The following HEATR5A variants were observed in gnomAD, a reference collection of about 807,000 sequenced individuals.
HEATR5A encodes HEAT repeat-containing protein 5A.
In HEATR5A, 178 loss-of-function variants were observed where a neutral mutation model predicts 218.8. That is an observed-to-expected ratio of 0.81 (90% CI 0.72 to 0.92). HEATR5A has a LOEUF of 0.92. HEATR5A is among the 40% of genes least tolerant of loss of function. The pLI is 0.00. For synonymous variants in HEATR5A, 864 were observed against 871.6 expected, an observed-to-expected ratio of 0.99 and a Z score of 0.15; for missense variants, 2,420 against 2,418.9, an observed-to-expected ratio of 1.00 and a Z score of -0.01.
rs755867145 is a variant in HEATR5A at position 31,345,208 on chromosome 14, T to C, written c.2937A>G (p.Glu979=). ...SAGPLYYVHV[E]PTLSLIIMLL... ...ACATTATAATAAGAGAAAGGGTAGG[T>C]TCCACATGCACATAATAGAGTGGGC... The change falls in exon 20 of 36, where the codon GAA becomes GAG. Residue 979 remains glutamate (E), a synonymous_variant. Transcript: ENST00000543095. 7.4e-6 allele frequency: 12 copies of C among 1,613,412 alleles called. No homozygotes were observed. The Admixed American group carries it at 2.0e-4, about 27-fold the overall frequency.
chr14:31,358,408 T>C (rs767513961), intron 16 of HEATR5A, among the ~76,000 whole-genome samples: 1 of 152,214 alleles, frequency 6.6e-6, no homozygotes, highest in Non-Finnish European at 1.5e-5. Context: ...TATTTTCAGC[T>C]AGATGATAAG....
At chr14:31,362,675 G>C (rs1360295753) in intron 14 of HEATR5A, among the ~76,000 whole-genome samples, 1 of 150,172 alleles carries the variant, frequency 6.7e-6, no homozygotes, top group Non-Finnish European at 1.5e-5. Flanking sequence ...CAGCTACTTG[G>C]GAGGCTGAGG....
chr14:31,315,840 G>C lies in HEATR5A; in HGVS notation c.4148C>G (p.Ala1383Gly). The change falls in exon 27 of 36, where the codon GCT becomes GGT. Residue 1383 changes from alanine (A) to glycine (G), a missense_variant. Coordinates refer to ENST00000543095, the MANE Select transcript of HEATR5A (RefSeq NM_015473.4). ...ACTTTCATTATATAAGTGACTTAGA[G>C]CTTCTTTTCCAGCCTGTATTTTAGT... ...SLTKIQAGKEALSHLYNESAS... is the reference protein window; with the variant it reads ...SLTKIQAGKEGLSHLYNESAS... 6.2e-7 allele frequency: 1 copy of C among 1,612,860 alleles called. No individual in the cohort carries two copies. Among genetic ancestry groups the C allele is most frequent in the Non-Finnish European group, 8.5e-7 (1 of 1,179,390 alleles).
Position 31,397,379 on chromosome 14 carries a change from C to T in HEATR5A, c.447+1294G>A, listed in dbSNP as rs560145807. Among the ~76,000 whole-genome samples the T allele has an allele frequency of 7.9e-5, 12 of 151,622 alleles. No individual in the cohort carries two copies. The South Asian group carries it at 1.5e-3, about 18-fold the overall frequency. ...TTTTTTAAGAGACACGGTCTTGGGC[C>T]GGGCATGGTGGCTCATGCCTGTAAT... On this transcript the variant is annotated intron_variant, in intron 4 of 35. Transcript: ENST00000543095.
At chr14:31,394,474 T>C (rs2030571476) in intron 5 of HEATR5A, among the ~76,000 whole-genome samples, 1 of 152,062 alleles carries the variant, frequency 6.6e-6, no homozygotes, top group Non-Finnish European at 1.5e-5. Context: ...AAAATGCCTT[T>C]AGAATCAATC....
At chr14:31,401,652 T>C (rs1042633888) in intron 2 of HEATR5A, among the ~76,000 whole-genome samples, 2 of 152,186 alleles carry the variant, frequency 1.3e-5, no homozygotes, top group African/African-American at 4.8e-5. Context: ...CAGCCTACCA[T>C]GTAACTTGGT....
intron 16 of HEATR5A, among the ~76,000 whole-genome samples, chr14:31,353,841 C>G (rs1047629464): frequency 6.6e-6 from 1 of 151,778 alleles, no homozygotes; most frequent in Non-Finnish European, 1.5e-5. Flanking sequence ...GCTCTGTCGC[C>G]CAGGCTGGAG....
chr14:31,383,495 T>A, intron 10 of HEATR5A, 26 bp downstream of exon 10: 1 of 1,588,616 alleles, frequency 6.3e-7, no homozygotes, highest in Non-Finnish European at 8.6e-7. Context: ...CACCTCATTA[T>A]CATACATAGA....
intron 33 of HEATR5A, among the ~76,000 whole-genome samples, chr14:31,298,955 GT>G (rs1278582114): frequency 6.6e-6 from 1 of 152,072 alleles, no homozygotes; most frequent in Non-Finnish European, 1.5e-5. Flanking sequence ...CCCCCACACT[GT>G]TTGGCCTCTC....
In HEATR5A at chr14:31,292,856, C is replaced by G. The variant is rs1456410879; in HGVS notation, c.*449G>C. On this transcript the variant is annotated 3_prime_UTR_variant, in exon 36 of 36. Coordinates refer to ENST00000543095, the MANE Select transcript of HEATR5A (RefSeq NM_015473.4). ...TTGGCCTTCCAAAGTGCTGGAATTACAGGGATGAGCCACTGTGCCGGGCCA... is the reference window on the plus strand; with the variant it reads ...TTGGCCTTCCAAAGTGCTGGAATTAGAGGGATGAGCCACTGTGCCGGGCCA... 1 of 153,698 alleles carries G rather than the reference C, an allele frequency of 6.5e-6. No homozygotes were observed. Among genetic ancestry groups the G allele is most frequent in the East Asian group, 1.9e-4 (1 of 5,224 alleles). 9.5% of individuals were successfully genotyped at this position (153,698 alleles called of 1,614,324 possible).
At chr14:31,376,829 T>C (rs1734321629) in intron 11 of HEATR5A, among the ~76,000 whole-genome samples, 1 of 152,074 alleles carries the variant, frequency 6.6e-6, no homozygotes, top group Admixed American at 6.5e-5. Context: ...GATTGCTGTC[T>C]AAAAATCATT....
chr14:31,407,584 TTATATATATA>T (rs1039144242), intron 1 of HEATR5A, among the ~76,000 whole-genome samples: 195 of 1,156 alleles, frequency 0.17, no homozygotes, highest in African/African-American at 0.21. Context: ...CTTATTTTAT[TTATATATATA>T]TATATATATA....
At chr14:31,377,054 T>C (rs1339936692) in intron 11 of HEATR5A, among the ~76,000 whole-genome samples, 1 of 150,674 alleles carries the variant, frequency 6.6e-6, no homozygotes, top group East Asian at 2.0e-4. Flanking sequence ...GAGCCTGGCA[T>C]TCAAGGCTGC....
At position 31,292,875 on chromosome 14, in the gene HEATR5A, C is replaced by G. The variant is rs117022509; in HGVS notation, c.*430G>C. On this transcript the variant is annotated 3_prime_UTR_variant, in exon 36 of 36. Transcript: ENST00000543095. ...GAATTACAGGGATGAGCCACTGTGC[C>G]GGGCCAAAGCAGAATTTTAAATCAG... 3.9e-4 allele frequency: 61 copies of G among 154,490 alleles called. No homozygotes were observed. In the East Asian group the frequency reaches 0.01, roughly 26 times the overall value. 9.6% of individuals were successfully genotyped at this position (154,490 alleles called of 1,614,324 possible).
chr14:31,404,648 T>C (rs964577840), intron 1 of HEATR5A, among the ~76,000 whole-genome samples: 1 of 152,180 alleles, frequency 6.6e-6, no homozygotes, highest in Non-Finnish European at 1.5e-5. Context: ...GGCTCACACC[T>C]GTAATCCCAG....
intron 16 of HEATR5A, among the ~76,000 whole-genome samples, chr14:31,353,818 G>GC (rs144213225): frequency 0.27 from 40,854 of 149,720 alleles, 6,769 homozygotes; most frequent in Non-Finnish European, 0.38. Context: ...GTTTTTTTTT[G>GC]AGATGGAGTC....
At chr14:31,379,565 A>T (rs1284212381) in intron 11 of HEATR5A, among the ~76,000 whole-genome samples, 1 of 152,154 alleles carries the variant, frequency 6.6e-6, no homozygotes, top group Non-Finnish European at 1.5e-5. Flanking sequence ...CAGTTGTTTT[A>T]TATCTAGCTA....
At chr14:31,363,908 G>C (rs1404556643) in intron 14 of HEATR5A, among the ~76,000 whole-genome samples, 1 of 152,020 alleles carries the variant, frequency 6.6e-6, no homozygotes, top group Admixed American at 6.6e-5. Flanking sequence ...TGAGCCCAAG[G>C]CTGAAGTGAG....
At chr14:31,357,169 C>T (rs1595132862) in intron 16 of HEATR5A, among the ~76,000 whole-genome samples, 2 of 152,226 alleles carry the variant, frequency 1.3e-5, no homozygotes, top group Middle Eastern at 3.4e-3. Flanking sequence ...ACAGGAAATG[C>T]TACAAATACA....
Sources: gnomAD v4.1 joint callset for allele counts (sites outside exome capture counted in the v4.1 genomes callset) on GRCh38, gnomAD v4.1.1 for gene constraint, MANE v1.5 for transcripts, NCBI Gene and HGNC (gene_info 2026-07-23, HGNC 2026-07-21) for gene names.